CTBP2: variants seen among roughly 807,000 people sequenced by gnomAD.
CTBP2 encodes the protein C-terminal binding protein 2.
Under a neutral mutation model 80.3 loss-of-function variants are expected in CTBP2, and 30 were observed. The observed-to-expected ratio is 0.37, with a 90% CI of 0.28 to 0.51. The LOEUF is 0.51. Among genes scored for constraint, CTBP2 ranks in the 20% least tolerant of loss-of-function variants. CTBP2 has a pLI of 0.93. For missense variants in CTBP2, 1,212 were observed against 1,375.3 expected, an observed-to-expected ratio of 0.88 and a Z score of 1.88; for synonymous variants, 594 against 587.4, an observed-to-expected ratio of 1.01 and a Z score of -0.16.
chr10:125,059,000 G>C (rs1964475066), intron 2 of CTBP2, among the ~76,000 whole-genome samples: 1 of 152,174 alleles, frequency 6.6e-6, no homozygotes. Context: ...AGGTGACGAG[G>C]ACCTTCAGGA....
chr10:125,123,774 C>T (rs904875301), intron 1 of CTBP2, among the ~76,000 whole-genome samples: 6 of 152,200 alleles, frequency 3.9e-5, no homozygotes, highest in African/African-American at 9.7e-5. Flanking sequence ...CAGAGATGCT[C>T]GTGCTACGTC....
chr10:125,064,487 T>C (rs983407201), intron 2 of CTBP2, among the ~76,000 whole-genome samples: 3 of 152,146 alleles, frequency 2.0e-5, no homozygotes, highest in Non-Finnish European at 4.4e-5. Context: ...CTCCGAAGAA[T>C]AGCAGTTCTA....
At chr10:125,124,843 C>G (rs1160887014) in intron 1 of CTBP2, among the ~76,000 whole-genome samples, 1 of 152,214 alleles carries the variant, frequency 6.6e-6, no homozygotes, top group Non-Finnish European at 1.5e-5. Flanking sequence ...ATGTCACATA[C>G]CTTCAAAAGG....
At chr10:125,155,405 T>C (rs1039862083) in intron 1 of CTBP2, among the ~76,000 whole-genome samples, 8 of 133,622 alleles carry the variant, frequency 6.0e-5, no homozygotes, top group African/African-American at 2.9e-4. Flanking sequence ...AATCCCCCCT[T>C]TTTTTTTTTA....
chr10:125,155,228 G>A (rs911142888), intron 1 of CTBP2, among the ~76,000 whole-genome samples: 7 of 152,290 alleles, frequency 4.6e-5, no homozygotes, highest in Admixed American at 2.6e-4. Context: ...CGGCAAAGAC[G>A]GATGAATGTG....
intron 2 of CTBP2, among the ~76,000 whole-genome samples, chr10:125,050,989 G>A (rs1962612911): frequency 6.6e-6 from 1 of 152,196 alleles, no homozygotes; most frequent in Non-Finnish European, 1.5e-5. Flanking sequence ...TCACCTATGT[G>A]GAGAATTACA....
intron 2 of CTBP2, among the ~76,000 whole-genome samples, chr10:125,044,853 C>T (rs1190827398): frequency 2.0e-5 from 3 of 152,160 alleles, no homozygotes; most frequent in Non-Finnish European, 4.4e-5. Flanking sequence ...ACTGGCCCAG[C>T]CTTTGATTAA....
intron 3 of CTBP2, 118 bp downstream of exon 3, chr10:125,038,879 G>C: frequency 1.0e-6 from 1 of 993,964 alleles, no homozygotes; most frequent in Non-Finnish European, 1.5e-6. Flanking sequence ...ATGCAGTGTT[G>C]GAATCGGAGG....
At chr10:124,993,786 C>T in intron 6 of CTBP2, 69 bp downstream of exon 8, 2 of 1,536,496 alleles carry the variant, frequency 1.3e-6, no homozygotes, top group Non-Finnish European at 1.7e-6. Context: ...GCCTCGAGTT[C>T]AAAGTGTGGG....
At chr10:125,041,351 G>A (rs185394827) in intron 2 of CTBP2, among the ~76,000 whole-genome samples, 2 of 152,316 alleles carry the variant, frequency 1.3e-5, no homozygotes, top group African/African-American at 2.4e-5. Context: ...CCAAAGTGCT[G>A]GGATTACAGG....
At chr10:125,129,093 G>A (rs1344976738) in intron 1 of CTBP2, among the ~76,000 whole-genome samples, 1 of 152,166 alleles carries the variant, frequency 6.6e-6, no homozygotes, top group African/African-American at 2.4e-5. Flanking sequence ...ATATTAAATT[G>A]TATGTATACA....
intron 1 of CTBP2, among the ~76,000 whole-genome samples, chr10:125,019,490 G>A (rs11594890): frequency 0.082 from 12,437 of 151,772 alleles, 628 homozygotes; most frequent in South Asian, 0.23. Flanking sequence ...AAAAAACCAC[G>A]TCTTTCTTCC....
intron 2 of CTBP2, among the ~76,000 whole-genome samples, chr10:125,047,251 G>A (rs1055685842): frequency 1.1e-4 from 16 of 152,192 alleles, no homozygotes; most frequent in African/African-American, 3.6e-4. Context: ...AATCAGGAAT[G>A]CAGATCAATT....
chr10:124,993,358 G>A (rs1426517647), intron 6 of CTBP2, 29 bp from the exon 9 acceptor site: 1 of 1,596,998 alleles, frequency 6.3e-7, no homozygotes, highest in South Asian at 1.1e-5. Flanking sequence ...AACAGAGTAA[G>A]CGGGAAATGT....
chr10:125,101,696 G>A (rs1049869983), intron 2 of CTBP2, among the ~76,000 whole-genome samples: 7 of 152,156 alleles, frequency 4.6e-5, no homozygotes, highest in African/African-American at 9.7e-5. Flanking sequence ...GTCTTGCATC[G>A]AAATGTTCAT....
intron 2 of CTBP2, among the ~76,000 whole-genome samples, chr10:125,085,711 G>A (rs1302242468): frequency 2.6e-5 from 4 of 152,284 alleles, no homozygotes; most frequent in South Asian, 2.1e-4. Context: ...AGGGACTCTC[G>A]CAGCTGGGGT....
intron 8 of CTBP2, among the ~76,000 whole-genome samples, chr10:124,990,847 G>A (rs1361451033): frequency 1.3e-5 from 2 of 152,344 alleles, no homozygotes; most frequent in South Asian, 2.1e-4. Flanking sequence ...AGAAGCTGAC[G>A]GTCTGCTGCC....
At chr10:125,125,323 G>T (rs982775657) in intron 1 of CTBP2, among the ~76,000 whole-genome samples, 2 of 152,024 alleles carry the variant, frequency 1.3e-5, no homozygotes, top group Non-Finnish European at 2.9e-5. Flanking sequence ...TAAACACAGA[G>T]CTTAGATATA....
intron 2 of CTBP2, among the ~76,000 whole-genome samples, chr10:125,049,041 CCACAGACA>C (rs1326326258): frequency 8.9e-6 from 1 of 112,416 alleles, no homozygotes; most frequent in Non-Finnish European, 1.9e-5. Context: ...GCCCGCCTGA[CCACAGACA>C]CACACACACA....
Sources: gnomAD v4.1 joint callset for allele counts (sites outside exome capture counted in the v4.1 genomes callset) on GRCh38, gnomAD v4.1.1 for gene constraint, MANE v1.5 for transcripts, NCBI Gene and HGNC (gene_info 2026-07-23, HGNC 2026-07-21) for gene names.